TTC7B: variants seen among roughly 807,000 people sequenced by gnomAD.
The protein encoded by TTC7B is tetratricopeptide repeat domain 7B, also known as tetratricopeptide repeat protein 7B.
In TTC7B, 28 loss-of-function variants were observed where a neutral mutation model predicts 106.8. The ratio of observed to expected loss-of-function variants is 0.26; its 90% CI spans 0.19 to 0.36. TTC7B has a LOEUF of 0.36. Ranked by LOEUF, TTC7B falls within the 10% of genes least tolerant of loss-of-function variation. The probability of loss-of-function intolerance (pLI) is 1.00; values close to 1 mark genes in which losing one functional copy is unlikely to be tolerated. For synonymous variants in TTC7B, 405 were observed against 430.6 expected, an observed-to-expected ratio of 0.94 and a Z score of 0.74; for missense variants, 862 against 1,076.4, an observed-to-expected ratio of 0.80 and a Z score of 2.79.
chr14:90,560,419 A>G (rs1890521670), intron 19 of TTC7B, among the ~76,000 whole-genome samples: 1 of 152,244 alleles, frequency 6.6e-6, no homozygotes, highest in Non-Finnish European at 1.5e-5. Flanking sequence ...CAGAAGACAC[A>G]GGTGACACTG....
At chr14:90,727,503 C>G (rs1889154978) in intron 5 of TTC7B, among the ~76,000 whole-genome samples, 1 of 152,244 alleles carries the variant, frequency 6.6e-6, no homozygotes, top group Non-Finnish European at 1.5e-5. Flanking sequence ...TTAAGCCAAA[C>G]TTAAAAGCAG....
At chr14:90,772,150 C>T (rs1441389245) in intron 3 of TTC7B, among the ~76,000 whole-genome samples, 3 of 151,828 alleles carry the variant, frequency 2.0e-5, no homozygotes, top group East Asian at 1.9e-4. Flanking sequence ...CCTCACACTA[C>T]AGGAAGGAAA....
At position 90,811,034 on chromosome 14, in the gene TTC7B, G is replaced by A. The variant is rs145700779; in HGVS notation, c.121+5141C>T. Among the ~76,000 whole-genome samples, 869 of 152,246 alleles carry A rather than the reference G, an allele frequency of 5.7e-3. 6 individuals are homozygous for A. The highest frequency in any genetic ancestry group is 8.5e-3 in the Non-Finnish European group (579 of 68,008). On this transcript the variant is annotated intron_variant, in intron 1 of 19. Coordinates refer to ENST00000328459, the MANE Select transcript of TTC7B (RefSeq NM_001010854.2). ...CAAGCAGATGGATGAGGCTGAGGAC[G>A]AGCTGCACAGCCCCAGCCCCACTGT...
chr14:90,793,900 G>A (rs561183706), intron 1 of TTC7B, among the ~76,000 whole-genome samples: 103 of 139,212 alleles, frequency 7.4e-4, no homozygotes, highest in African/African-American at 2.7e-3. Flanking sequence ...GAGCCACCGC[G>A]CCCGGCCTTG....
chr14:90,705,634 C>T (rs1420443956), intron 5 of TTC7B, among the ~76,000 whole-genome samples: 4 of 152,170 alleles, frequency 2.6e-5, no homozygotes, highest in Admixed American at 2.6e-4. Flanking sequence ...AAGGCACACA[C>T]CATGTAACCA....
chr14:90,642,589 T>C (rs904282045), intron 15 of TTC7B: 4 of 152,196 alleles, frequency 2.6e-5, no homozygotes, highest in Non-Finnish European at 5.9e-5. Context: ...ATGTTTACTA[T>C]TTCTGGCCAT....
At chr14:90,813,195 T>C (rs1441486499) in intron 1 of TTC7B, among the ~76,000 whole-genome samples, 1 of 152,180 alleles carries the variant, frequency 6.6e-6, no homozygotes, top group African/African-American at 2.4e-5. Context: ...TTTAAACTAG[T>C]AGTTCCTGCA....
rs150084643 is a variant in TTC7B at position 90,618,695 on chromosome 14, G to A, written c.1752-650C>T. ...CTAAGCTCAGAATGTTCTCTCTTTC[G>A]TGGCCCCACAGGGTAATGCCATTTC... On this transcript the variant is annotated intron_variant, in intron 15 of 19. Coordinates refer to ENST00000328459, the MANE Select transcript of TTC7B (RefSeq NM_001010854.2). Among the ~76,000 whole-genome samples the A allele has an allele frequency of 1.5e-3, 230 of 152,214 alleles. 1 individual carries two copies. Among genetic ancestry groups the A allele is most frequent in the African/African-American group, 5.2e-3 (216 of 41,536 alleles).
chr14:90,804,518 T>C (rs759449029), intron 1 of TTC7B, among the ~76,000 whole-genome samples: 1 of 151,482 alleles, frequency 6.6e-6, no homozygotes, highest in African/African-American at 2.4e-5. Context: ...GTGGCAGGAG[T>C]TTCCCAGGTG....
intron 19 of TTC7B, among the ~76,000 whole-genome samples, chr14:90,562,260 G>A (rs1007261662): frequency 2.0e-5 from 3 of 152,090 alleles, no homozygotes; most frequent in Non-Finnish European, 2.9e-5. Context: ...CCTCATGTTC[G>A]TGAAGGCATC....
chr14:90,587,007 AG>A (rs1477517769), intron 18 of TTC7B, among the ~76,000 whole-genome samples: 1 of 152,162 alleles, frequency 6.6e-6, no homozygotes, highest in Non-Finnish European at 1.5e-5. Context: ...AAGGCATCTC[AG>A]GGTCCCCTCC....
At chr14:90,695,434 T>A (rs1187402970) in intron 6 of TTC7B, 66 bp downstream of exon 6, 2 of 859,312 alleles carry the variant, frequency 2.3e-6, no homozygotes, top group East Asian at 6.0e-5. Context: ...TGTAAAAAAA[T>A]ATGAATGTAA....
At chr14:90,561,223 C>T (rs926348088) in intron 19 of TTC7B, among the ~76,000 whole-genome samples, 9 of 152,210 alleles carry the variant, frequency 5.9e-5, no homozygotes, top group Non-Finnish European at 7.3e-5. Context: ...CTGGCTCCCC[C>T]GAGGGGCTGG....
At chr14:90,713,583 G>A (rs942486385) in intron 5 of TTC7B, among the ~76,000 whole-genome samples, 1 of 152,168 alleles carries the variant, frequency 6.6e-6, no homozygotes, top group African/African-American at 2.4e-5. Context: ...AAAAGCTGGA[G>A]CTCTCATACA....
At chr14:90,816,099 G>C in intron 1 of TTC7B, 76 bp downstream of exon 1, 2 of 975,044 alleles carry the variant, frequency 2.1e-6, no homozygotes, top group Non-Finnish European at 2.4e-6. Flanking sequence ...CCCCGCGCCC[G>C]GCCGCGCCTC....
intron 15 of TTC7B, among the ~76,000 whole-genome samples, chr14:90,641,121 C>T (rs756284472): frequency 2.4e-4 from 37 of 152,174 alleles, no homozygotes; most frequent in Non-Finnish European, 2.8e-4. Context: ...GTTGTCTCAG[C>T]CCTGCTTGGA....
intron 15 of TTC7B, among the ~76,000 whole-genome samples, chr14:90,629,786 C>T (rs1041850681): frequency 6.6e-6 from 1 of 152,210 alleles, no homozygotes; most frequent in African/African-American, 2.4e-5. Flanking sequence ...CCCTCCTGGC[C>T]CAGCCTCGCC....
At chr14:90,798,299 C>G (rs2030006560) in intron 1 of TTC7B, among the ~76,000 whole-genome samples, 1 of 152,040 alleles carries the variant, frequency 6.6e-6, no homozygotes, top group Non-Finnish European at 1.5e-5. Context: ...CTGGCAAGCC[C>G]AGAATCATGA....
At chr14:90,697,761 C>T (rs1225132951) in intron 5 of TTC7B, 1 of 152,232 alleles carries the variant, frequency 6.6e-6, no homozygotes, top group Non-Finnish European at 1.5e-5. Flanking sequence ...AGGACCGAGG[C>T]CCTCTGGTGG....
Sources: allele counts gnomAD v4.1 joint callset (sites outside exome capture counted in the v4.1 genomes callset), GRCh38; gene constraint gnomAD v4.1.1; transcripts MANE v1.5; gene names NCBI Gene and HGNC (gene_info 2026-07-23, HGNC 2026-07-21).